HS6ST3: variants seen among roughly 807,000 people sequenced by gnomAD.
The protein encoded by HS6ST3 is heparan-sulfate 6-O-sulfotransferase 3.
HS6ST3 carries 12 observed loss-of-function variants against 36.7 expected under a neutral mutation model. The observed-to-expected ratio is 0.33, with a 90% CI of 0.21 to 0.53. HS6ST3 has a LOEUF of 0.53. Ranked by LOEUF, HS6ST3 falls within the 20% of genes least tolerant of loss-of-function variation. HS6ST3 has a pLI of 0.95. For synonymous variants in HS6ST3, 240 were observed against 257.5 expected, an observed-to-expected ratio of 0.93 and a Z score of 0.65; for missense variants, 584 against 640.9, an observed-to-expected ratio of 0.91 and a Z score of 0.96.
At chr13:96,740,510 A>G (rs1479638189) in intron 1 of HS6ST3, among the ~76,000 whole-genome samples, 1 of 152,224 alleles carries the variant, frequency 6.6e-6, no homozygotes, top group Non-Finnish European at 1.5e-5. Context: ...AAAGGCTAAA[A>G]TCTCAACTAT....
intron 1 of HS6ST3, among the ~76,000 whole-genome samples, chr13:96,346,938 T>C (rs2055158321): frequency 6.6e-6 from 1 of 152,134 alleles, no homozygotes; most frequent in Non-Finnish European, 1.5e-5. Context: ...CATGCTTTGA[T>C]GAATCAAGCT....
At chr13:96,751,836 A>G (rs932233415) in intron 1 of HS6ST3, among the ~76,000 whole-genome samples, 9 of 150,928 alleles carry the variant, frequency 6.0e-5, no homozygotes, top group Non-Finnish European at 1.3e-4. Flanking sequence ...GTACACACAT[A>G]TAGTATATTT....
intron 1 of HS6ST3, among the ~76,000 whole-genome samples, chr13:96,637,454 A>G (rs2056553891): frequency 1.3e-5 from 2 of 152,144 alleles, no homozygotes; most frequent in South Asian, 4.1e-4. Flanking sequence ...TCTTATGTTT[A>G]GCTTTTCATC....
intron 1 of HS6ST3, among the ~76,000 whole-genome samples, chr13:96,525,166 A>G (rs1178457713): frequency 1.3e-5 from 2 of 152,218 alleles, no homozygotes; most frequent in African/African-American, 4.8e-5. Context: ...ATGTTTGGAT[A>G]AGAAATAGAC....
chr13:96,364,519 A>G (rs961754798), intron 1 of HS6ST3, among the ~76,000 whole-genome samples: 3 of 152,178 alleles, frequency 2.0e-5, no homozygotes, highest in Admixed American at 6.5e-5. Flanking sequence ...AAGAACAAGT[A>G]TTGTATGATT....
intron 1 of HS6ST3, among the ~76,000 whole-genome samples, chr13:96,397,197 T>C (rs1376241469): frequency 6.6e-6 from 1 of 152,192 alleles, no homozygotes; most frequent in Non-Finnish European, 1.5e-5. Context: ...AGCAAGACTC[T>C]GTCTCAAAGA....
At chr13:96,442,136 C>T (rs1396152257) in intron 1 of HS6ST3, among the ~76,000 whole-genome samples, 1 of 151,924 alleles carries the variant, frequency 6.6e-6, no homozygotes, top group African/African-American at 2.4e-5. Context: ...ATCCTCCCAC[C>T]TCAGCCTCCC....
chr13:96,100,400 G>T (rs1029592531), intron 1 of HS6ST3, among the ~76,000 whole-genome samples: 2 of 152,126 alleles, frequency 1.3e-5, no homozygotes, highest in African/African-American at 4.8e-5. Flanking sequence ...AGTTTGAGAG[G>T]TATGGACAGG....
At chr13:96,652,482 A>G (rs1566421159) in intron 1 of HS6ST3, among the ~76,000 whole-genome samples, 1 of 146,806 alleles carries the variant, frequency 6.8e-6, no homozygotes, top group East Asian at 2.0e-4. Context: ...TTGCTTTCTC[A>G]TTTGTAATCT....
At chr13:96,737,333 G>T (rs1016272117) in intron 1 of HS6ST3, among the ~76,000 whole-genome samples, 1 of 152,156 alleles carries the variant, frequency 6.6e-6, no homozygotes, top group African/African-American at 2.4e-5. Context: ...TTCTATAAAA[G>T]AGATTATTTT....
intron 1 of HS6ST3, among the ~76,000 whole-genome samples, chr13:96,097,353 G>A (rs1273642006): frequency 6.6e-6 from 1 of 152,050 alleles, no homozygotes; most frequent in East Asian, 1.9e-4. Context: ...GAAGCTTATG[G>A]CATTTGAAAG....
intron 1 of HS6ST3, among the ~76,000 whole-genome samples, chr13:96,295,446 C>A (rs2139400963): frequency 6.6e-6 from 1 of 152,072 alleles, no homozygotes; most frequent in Admixed American, 6.6e-5. Flanking sequence ...AATTGCAAAT[C>A]TTTCTGTTTA....
At chr13:96,541,558 A>G (rs922103588) in intron 1 of HS6ST3, among the ~76,000 whole-genome samples, 9 of 152,232 alleles carry the variant, frequency 5.9e-5, no homozygotes, top group Non-Finnish European at 1.3e-4. Context: ...GCAAAATTGA[A>G]ATGACTATAA....
chr13:96,790,177 C>T (rs534144018), intron 1 of HS6ST3, among the ~76,000 whole-genome samples: 107 of 151,858 alleles, frequency 7.0e-4, no homozygotes, highest in African/African-American at 2.5e-3. Context: ...GCCATCTGCG[C>T]TCTGCTATTG....
chr13:96,750,162 C>A lies in HS6ST3; in HGVS notation c.708-82328C>A, dbSNP rs925384849. On this transcript the variant is annotated intron_variant, in intron 1 of 1. Transcript: ENST00000376705. ...ATATTTAAGTTACTCTGGCACCATA[C>A]AAGAGATATGGTAGCAGTTACCAAG... 2.0e-5 allele frequency among the ~76,000 whole-genome samples: 3 copies of A among 152,182 alleles called. No individual in the cohort carries two copies. The East Asian group carries it at 5.8e-4, about 29-fold the overall frequency.
intron 1 of HS6ST3, among the ~76,000 whole-genome samples, chr13:96,813,901 T>G (rs542854372): frequency 1.3e-5 from 2 of 152,376 alleles, no homozygotes; most frequent in South Asian, 4.1e-4. Context: ...CATTTTAGTT[T>G]GCATCACAGA....
intron 1 of HS6ST3, among the ~76,000 whole-genome samples, chr13:96,574,986 G>T (rs972055386): frequency 6.6e-6 from 1 of 152,124 alleles, no homozygotes; most frequent in African/African-American, 2.4e-5. Flanking sequence ...CCAGTTTATT[G>T]CATACCAAGA....
chr13:96,091,635 C>T, intron 1 of HS6ST3, 66 bp downstream of exon 1: 2 of 1,469,332 alleles, frequency 1.4e-6, no homozygotes, highest in Non-Finnish European at 1.8e-6. Context: ...CAGTCCTGAC[C>T]CAGAGCGACC....
intron 1 of HS6ST3, among the ~76,000 whole-genome samples, chr13:96,789,115 G>T (rs1480158717): frequency 6.6e-6 from 1 of 151,412 alleles, no homozygotes; most frequent in East Asian, 1.9e-4. Context: ...CTCTCTGCTA[G>T]ATTACTTGAA....
Sources: allele counts gnomAD v4.1 joint callset (sites outside exome capture counted in the v4.1 genomes callset), GRCh38; gene constraint gnomAD v4.1.1; transcripts MANE v1.5; gene names NCBI Gene and HGNC (gene_info 2026-07-23, HGNC 2026-07-21).